The following WDFY4 variants were observed in gnomAD, a reference collection of about 807,000 sequenced individuals.
WDFY4 encodes the protein WD repeat- and FYVE domain-containing protein 4.
A neutral mutation model predicts 351.9 loss-of-function variants in WDFY4; 169 were observed. The ratio of observed to expected loss-of-function variants is 0.48; its 90% CI spans 0.42 to 0.55. The LOEUF is 0.55. WDFY4 is among the 20% of genes least tolerant of loss of function. The pLI is 0.00. For synonymous variants in WDFY4, 1,622 were observed against 1,574.6 expected (o/e 1.03, Z -0.71); for missense variants, 3,803 against 3,935.6 (o/e 0.97, Z 0.90).
chr10:48,703,519 C>G (rs912363127), intron 1 of WDFY4, among the ~76,000 whole-genome samples: 1 of 152,192 alleles, frequency 6.6e-6, no homozygotes, highest in Non-Finnish European at 1.5e-5. Flanking sequence ...CAAAGCAACT[C>G]TTTGTCTGCA....
At chr10:48,957,031 A>G in intron 51 of WDFY4, 98 bp from the exon 52 acceptor site, 1 of 1,447,036 alleles carries the variant, frequency 6.9e-7, no homozygotes. Context: ...AGAGGAGCTA[A>G]TGGTGGAACC....
At chr10:48,952,252 C>T (rs1168203486) in intron 51 of WDFY4, among the ~76,000 whole-genome samples, 1 of 152,194 alleles carries the variant, frequency 6.6e-6, no homozygotes, top group Non-Finnish European at 1.5e-5. Flanking sequence ...CAGCCCCTGC[C>T]TCTGAGGCAA....
chr10:48,803,857 C>G (rs979996218), intron 25 of WDFY4, among the ~76,000 whole-genome samples: 1 of 152,178 alleles, frequency 6.6e-6, no homozygotes, highest in Non-Finnish European at 1.5e-5. Flanking sequence ...GGGGGAGGCT[C>G]ACATCATTTT....
chr10:48,748,466 CGT>C (rs968617381), intron 12 of WDFY4, among the ~76,000 whole-genome samples: 38 of 152,112 alleles, frequency 2.5e-4, no homozygotes, highest in Non-Finnish European at 4.4e-4. Context: ...TGTGCACACA[CGT>C]GTGTGTGTTC....
intron 39 of WDFY4, among the ~76,000 whole-genome samples, chr10:48,859,132 C>A (rs901173768): frequency 6.6e-6 from 1 of 151,924 alleles, no homozygotes; most frequent in Non-Finnish European, 1.5e-5. Context: ...GTTGTAAATA[C>A]CTTAGGAATT....
chr10:48,760,668 CA>C (rs897861517), intron 13 of WDFY4, among the ~76,000 whole-genome samples: 3 of 152,198 alleles, frequency 2.0e-5, no homozygotes, highest in Non-Finnish European at 4.4e-5. Flanking sequence ...CTTCTGTTAA[CA>C]AAGCTACCTT....
chr10:48,982,406 G>A lies in WDFY4; in HGVS notation c.9489-103G>A, dbSNP rs565248622. On this transcript the variant is annotated intron_variant, in intron 61 of 61. Coordinates refer to ENST00000325239, the MANE Select transcript of WDFY4 (RefSeq NM_001394531.1). ...GGAGACAAGACCAGGGGCAAGCTCC[G>A]CTGGGCCCCAGATAGAGCCCCAGAG... 36 of 1,026,308 alleles carry A rather than the reference G, an allele frequency of 3.5e-5. No individual in the cohort carries two copies. In the Admixed American group the frequency reaches 7.4e-4, roughly 21 times the overall value. 63.6% of individuals were successfully genotyped at this position (1,026,308 alleles called of 1,614,324 possible).
At chr10:48,960,264 G>C (rs1182643042) in intron 53 of WDFY4, among the ~76,000 whole-genome samples, 1 of 152,204 alleles carries the variant, frequency 6.6e-6, no homozygotes, top group African/African-American at 2.4e-5. Context: ...GGTCATTAGG[G>C]ACACATGCTG....
intron 25 of WDFY4, among the ~76,000 whole-genome samples, chr10:48,804,562 C>CAAAAAAAAAAA (rs58660119): frequency 9.8e-6 from 1 of 101,658 alleles, no homozygotes. Context: ...TGTGTTAATA[C>CAAAAAAAAAAA]AAAAAAAAAA....
At chr10:48,770,494 C>A (rs1212729956) in intron 13 of WDFY4, among the ~76,000 whole-genome samples, 1 of 152,170 alleles carries the variant, frequency 6.6e-6, no homozygotes, top group Non-Finnish European at 1.5e-5. Flanking sequence ...CCAACTCTCA[C>A]CCTAAATTGA....
chr10:48,946,843 A>G lies in WDFY4; in HGVS notation c.7868-17A>G, dbSNP rs1345656688. 2 of 1,545,294 alleles carry G rather than the reference A, an allele frequency of 1.3e-6. No individual in the cohort carries two copies. Among genetic ancestry groups the G allele is most frequent in the Middle Eastern group, 1.7e-4 (1 of 5,988 alleles). On this transcript the variant is annotated splice_polypyrimidine_tract_variant and intron_variant, in intron 50 of 61. Coordinates refer to ENST00000325239, the MANE Select transcript of WDFY4 (RefSeq NM_001394531.1). ...GCAGGTAAGGAAGCAGCCCTCAAGC[A>G]TGTGTTTTTGTTGCAGGAGACATGA...
chr10:48,889,327 G>A (rs78723867), intron 43 of WDFY4, among the ~76,000 whole-genome samples: 6,245 of 152,218 alleles, frequency 0.041, 203 homozygotes, highest in East Asian at 0.13. Flanking sequence ...CCTTGGCTCT[G>A]GCTTTCACGG....
Position 48,963,893 on chromosome 10 carries a change from A to AT in WDFY4, c.8280dup (p.Gly2761TrpfsTer14). On this transcript the variant is annotated frameshift_variant, in exon 54 of 62. Transcript: ENST00000325239. LOFTEE classifies it high-confidence loss of function. ...CAACCTCCACCATTGGATAGACCTT[A>AT]TTTTTGGGTACAAGCAGCAGGGGCC... 1.9e-6 allele frequency: 3 copies of AT among 1,551,448 alleles called. No homozygotes were observed. Among genetic ancestry groups the AT allele is most frequent in the Non-Finnish European group, 2.6e-6 (3 of 1,146,968 alleles).
Position 48,953,333 on chromosome 10 carries a change from T to TCACACA in WDFY4, c.7978-3773_7978-3768dup, listed in dbSNP as rs1554820608. Among the ~76,000 whole-genome samples the TCACACA allele has an allele frequency of 6.4e-3, 820 of 128,198 alleles. 8 individuals carry two copies. Among genetic ancestry groups the TCACACA allele is most frequent in the East Asian group, 0.011 (47 of 4,174 alleles). The allele number at this position is 128,198 out of a possible 152,430, so 84.1% of individuals were successfully genotyped here. ...CTCTCTCTCTCTCTCTCTCTCTCTC[T>TCACACA]CACACACACACACACACACACACAC... On this transcript the variant is annotated intron_variant, in intron 51 of 61. Coordinates refer to ENST00000325239, the MANE Select transcript of WDFY4 (RefSeq NM_001394531.1).
rs567025093 is a variant in WDFY4, at chr10:48,888,934, C to T, written c.7168-1645C>T. 1.1e-4 allele frequency among the ~76,000 whole-genome samples: 16 copies of T among 152,324 alleles called. No individual in the cohort carries two copies. In the South Asian group the frequency reaches 1.4e-3, roughly 14 times the overall value. On this transcript the variant is annotated intron_variant, in intron 43 of 61. Transcript: ENST00000325239. ...TGTAATAGTTGGTTGGTTAAAATCC[C>T]GCTACTGGATTTTAAGCCCTGTGAG...
At chr10:48,727,753 C>A in intron 7 of WDFY4, 94 bp downstream of exon 7, 1 of 1,426,624 alleles carries the variant, frequency 7.0e-7, no homozygotes, top group Non-Finnish European at 9.4e-7. Context: ...ATAGATATAG[C>A]TCCATAGAAC....
At chr10:48,981,192 G>A (rs578134117) in intron 60 of WDFY4, among the ~76,000 whole-genome samples, 175 bp from the exon 61 acceptor site, 8 of 152,302 alleles carry the variant, frequency 5.3e-5, no homozygotes, top group African/African-American at 1.2e-4. Flanking sequence ...AAATTGGGAC[G>A]GCCCTTTTTG....
At chr10:48,801,916 G>C (rs1565215107) in intron 24 of WDFY4, among the ~76,000 whole-genome samples, 1 of 151,974 alleles carries the variant, frequency 6.6e-6, no homozygotes, top group African/African-American at 2.4e-5. Context: ...GACCCTATGG[G>C]TCACTATCTG....
chr10:48,869,239 G>A (rs979306179), intron 40 of WDFY4, among the ~76,000 whole-genome samples: 10 of 152,130 alleles, frequency 6.6e-5, no homozygotes, highest in African/African-American at 2.4e-4. Flanking sequence ...CCAAACTCTG[G>A]ACAGAGATTA....
Sources: gnomAD v4.1 joint callset for allele counts (sites outside exome capture counted in the v4.1 genomes callset) on GRCh38, gnomAD v4.1.1 for gene constraint, MANE v1.5 for transcripts, NCBI Gene and HGNC (gene_info 2026-07-23, HGNC 2026-07-21) for gene names.